ZMAT4: variants seen among roughly 807,000 people sequenced by gnomAD.
ZMAT4 encodes the protein zinc finger matrin-type protein 4.
Under a neutral mutation model 28.7 loss-of-function variants are expected in ZMAT4, and 17 were observed. The ratio of observed to expected loss-of-function variants is 0.59; its 90% CI spans 0.41 to 0.89. The LOEUF is 0.89. ZMAT4 is among the 40% of genes least tolerant of loss of function. ZMAT4 has a pLI of 0.00. For synonymous variants in ZMAT4, 117 were observed against 109.2 expected, an observed-to-expected ratio of 1.07 and a Z score of -0.44; for missense variants, 240 against 283.8, an observed-to-expected ratio of 0.85 and a Z score of 1.11.
At chr8:40,892,168 G>A (rs1818716980) in intron 1 of ZMAT4, among the ~76,000 whole-genome samples, 2 of 152,204 alleles carry the variant, frequency 1.3e-5, no homozygotes, top group African/African-American at 4.8e-5. Flanking sequence ...TACCCAGAGT[G>A]ATCCCATGCT....
At chr8:40,632,825 A>T (rs79536444) in intron 5 of ZMAT4, among the ~76,000 whole-genome samples, 203 of 152,346 alleles carry the variant, frequency 1.3e-3, no homozygotes, top group African/African-American at 4.7e-3. Context: ...AAACCTCACC[A>T]CCATAACTCA....
At chr8:40,569,012 C>A (rs553613797) in intron 6 of ZMAT4, among the ~76,000 whole-genome samples, 1 of 152,252 alleles carries the variant, frequency 6.6e-6, no homozygotes, top group African/African-American at 2.4e-5. Context: ...CTTTGCATTG[C>A]CCCTAGGGCC....
At chr8:40,627,293 A>G (rs1806412202) in intron 5 of ZMAT4, among the ~76,000 whole-genome samples, 2 of 152,102 alleles carry the variant, frequency 1.3e-5, no homozygotes, top group Admixed American at 1.3e-4. Context: ...ATATAACTGG[A>G]ACATTTTAGA....
chr8:40,753,559 A>C (rs1416990335), intron 3 of ZMAT4, among the ~76,000 whole-genome samples: 5 of 152,212 alleles, frequency 3.3e-5, no homozygotes, highest in Non-Finnish European at 7.3e-5. Context: ...TATCCTTGTA[A>C]GTTCTGTAAA....
At chr8:40,658,248 T>G (rs1808016445) in intron 5 of ZMAT4, among the ~76,000 whole-genome samples, 1 of 152,220 alleles carries the variant, frequency 6.6e-6, no homozygotes, top group African/African-American at 2.4e-5. Context: ...TTAGTCTCTA[T>G]TGATTGCTTG....
At chr8:40,786,464 C>CATTA (rs1554556778) in intron 2 of ZMAT4, among the ~76,000 whole-genome samples, 5 of 152,010 alleles carry the variant, frequency 3.3e-5, no homozygotes, top group Non-Finnish European at 7.4e-5. Context: ...TTCATTCATT[C>CATTA]ATTCATTCTT....
intron 2 of ZMAT4, among the ~76,000 whole-genome samples, chr8:40,800,387 G>C (rs540158123): frequency 1.3e-5 from 2 of 152,024 alleles, no homozygotes; most frequent in African/African-American, 4.8e-5. Flanking sequence ...ATTAATCAAT[G>C]GAATATAATG....
intron 5 of ZMAT4, among the ~76,000 whole-genome samples, chr8:40,609,330 C>T (rs1329800267): frequency 6.6e-6 from 1 of 152,180 alleles, no homozygotes; most frequent in Non-Finnish European, 1.5e-5. Flanking sequence ...GAGTGAAAAT[C>T]AGTTCTCAGA....
At chr8:40,889,405 C>T (rs535818536) in intron 1 of ZMAT4, among the ~76,000 whole-genome samples, 71 of 152,246 alleles carry the variant, frequency 4.7e-4, no homozygotes, top group African/African-American at 1.6e-3. Flanking sequence ...ATAGTCACTG[C>T]TTGAACATTT....
chr8:40,586,440 G>C (rs1445594244), intron 5 of ZMAT4, among the ~76,000 whole-genome samples: 2 of 152,144 alleles, frequency 1.3e-5, no homozygotes, highest in Non-Finnish European at 2.9e-5. Context: ...ACAGAAAACA[G>C]ATATAGAAGT....
At chr8:40,785,838 C>G (rs1334341650) in intron 2 of ZMAT4, among the ~76,000 whole-genome samples, 1 of 152,174 alleles carries the variant, frequency 6.6e-6, no homozygotes, top group Non-Finnish European at 1.5e-5. Flanking sequence ...ACCATCTGCT[C>G]TTAGCTAGAT....
intron 3 of ZMAT4, among the ~76,000 whole-genome samples, chr8:40,736,781 G>A (rs953494031): frequency 8.1e-5 from 12 of 148,234 alleles, no homozygotes; most frequent in African/African-American, 3.0e-4. Context: ...GTGAAGCAAA[G>A]CAGGATGTGA....
At chr8:40,883,551 T>C (rs1563265251) in intron 1 of ZMAT4, among the ~76,000 whole-genome samples, 2 of 152,168 alleles carry the variant, frequency 1.3e-5, no homozygotes, top group African/African-American at 2.4e-5. Flanking sequence ...CAACCGTAGG[T>C]AAGTCCCTTC....
intron 1 of ZMAT4, among the ~76,000 whole-genome samples, chr8:40,878,437 T>A (rs1818113013): frequency 6.6e-6 from 1 of 152,214 alleles, no homozygotes; most frequent in Non-Finnish European, 1.5e-5. Context: ...AGCAAGTGTG[T>A]CCTATTTTCA....
chr8:40,684,945 AG>A (rs2150482582), intron 4 of ZMAT4, among the ~76,000 whole-genome samples: 1 of 152,170 alleles, frequency 6.6e-6, no homozygotes, highest in East Asian at 1.9e-4. Context: ...CTCCATTTTG[AG>A]TTGCCTTAAG....
intron 1 of ZMAT4, among the ~76,000 whole-genome samples, chr8:40,826,487 A>T (rs568439434): frequency 6.6e-6 from 1 of 152,304 alleles, no homozygotes; most frequent in South Asian, 2.1e-4. Flanking sequence ...TTTCTTCAAC[A>T]ATCACATATT....
intron 3 of ZMAT4, among the ~76,000 whole-genome samples, chr8:40,760,830 T>A (rs1186262827): frequency 6.6e-6 from 1 of 152,070 alleles, no homozygotes; most frequent in African/African-American, 2.4e-5. Flanking sequence ...TGCACAGAGC[T>A]ACAGCAGATT....
intron 5 of ZMAT4, among the ~76,000 whole-genome samples, chr8:40,593,155 A>G (rs966816861): frequency 3.3e-5 from 5 of 152,174 alleles, no homozygotes; most frequent in East Asian, 1.9e-4. Flanking sequence ...CTCGTCGGAT[A>G]TAGGGAAGCA....
At chr8:40,818,824 G>A (rs997439559) in intron 2 of ZMAT4, among the ~76,000 whole-genome samples, 4 of 152,136 alleles carry the variant, frequency 2.6e-5, no homozygotes, top group African/African-American at 7.2e-5. Flanking sequence ...CATTTAGCCC[G>A]CATGCTTACT....
Sources: allele counts gnomAD v4.1 joint callset (sites outside exome capture counted in the v4.1 genomes callset), GRCh38; gene constraint gnomAD v4.1.1; transcripts MANE v1.5; gene names NCBI Gene and HGNC (gene_info 2026-07-23, HGNC 2026-07-21).